ZNF438: variants seen among roughly 807,000 people sequenced by gnomAD.
ZNF438 encodes the protein zinc finger protein 438.
ZNF438 carries 25 observed loss-of-function variants against 38.0 expected under a neutral mutation model. The observed-to-expected ratio is 0.66, with a 90% CI of 0.48 to 0.92. The LOEUF is 0.92. Ranked by LOEUF, ZNF438 falls within the 40% of genes least tolerant of loss-of-function variation. The pLI is 0.00. For missense variants in ZNF438, 1,007 were observed against 999.6 expected (o/e 1.01, Z -0.10); for synonymous variants, 372 against 364.1 (o/e 1.02, Z -0.25).
intron 1 of ZNF438, among the ~76,000 whole-genome samples, chr10:31,022,622 A>G (rs745676976): frequency 5.3e-5 from 8 of 152,154 alleles, no homozygotes; most frequent in Non-Finnish European, 8.8e-5. Flanking sequence ...CAGCAAATCA[A>G]TGAGATGCAC....
At chr10:30,964,184 C>T (rs185735277) in intron 1 of ZNF438, among the ~76,000 whole-genome samples, 1 of 152,276 alleles carries the variant, frequency 6.6e-6, no homozygotes. Context: ...TTCATTGCTG[C>T]TCGGCACAGG....
At chr10:30,901,354 C>T (rs552457776) in intron 3 of ZNF438, among the ~76,000 whole-genome samples, 1 of 152,292 alleles carries the variant, frequency 6.6e-6, no homozygotes, top group East Asian at 1.9e-4. Context: ...GTCTCACTGA[C>T]TTCAAGAATG....
rs1176273155 is a variant in ZNF438, at chr10:31,018,551, GACCA to G, written c.-192+13278_-192+13281del. Among the ~76,000 whole-genome samples, 4 of 152,070 alleles carry G rather than the reference GACCA, an allele frequency of 2.6e-5. No homozygotes were observed. In the East Asian group the frequency reaches 7.7e-4, roughly 29 times the overall value. ...TATAACATGTTTTCTACTGTCTGTC[GACCA>G]ACCACTTAACCAGTGCTATACATTT... On this transcript the variant is annotated intron_variant, in intron 1 of 5. Transcript: ENST00000413025.
At chr10:30,903,085 C>T (rs1034452710) in intron 3 of ZNF438, among the ~76,000 whole-genome samples, 5 of 152,316 alleles carry the variant, frequency 3.3e-5, no homozygotes, top group Admixed American at 6.5e-5. Flanking sequence ...GCCAGCCAGC[C>T]GCTCCCAGTG....
chr10:30,944,224 A>G (rs531197234), intron 1 of ZNF438, among the ~76,000 whole-genome samples: 2 of 152,272 alleles, frequency 1.3e-5, no homozygotes, highest in Admixed American at 1.3e-4. Flanking sequence ...TGCTTGTCCA[A>G]ATGCAAATTC....
At chr10:30,899,731 A>G (rs115597189) in intron 3 of ZNF438, among the ~76,000 whole-genome samples, 198 of 152,146 alleles carry the variant, frequency 1.3e-3, no homozygotes, top group African/African-American at 4.5e-3. Context: ...TTAATACTCT[A>G]GTGAATATGT....
At chr10:30,873,344 C>T (rs139152811) in intron 4 of ZNF438, among the ~76,000 whole-genome samples, 350 of 152,240 alleles carry the variant, frequency 2.3e-3, no homozygotes, top group Middle Eastern at 3.4e-3. Flanking sequence ...TATAACTTAT[C>T]GTTAGAGTGA....
intron 4 of ZNF438, among the ~76,000 whole-genome samples, chr10:30,854,721 C>T (rs1044535204): frequency 1.1e-4 from 17 of 152,094 alleles, no homozygotes; most frequent in African/African-American, 4.1e-4. Context: ...GCTGCTGGGG[C>T]ATAAACTGAA....
rs116595316 is a variant in ZNF438 at position 30,865,238 on chromosome 10, T to G, written c.37+11760A>C. Among the ~76,000 whole-genome samples the G allele has an allele frequency of 6.2e-3, 947 of 152,338 alleles. 20 individuals are homozygous for G. The highest frequency in any genetic ancestry group is 0.021 in the African/African-American group (887 of 41,570). Reference sequence around the variant, plus strand: ...GAACATGTCTTTCTTCTAAGAGACATCTACAGCATGGTCACTGGAGAGGTA... The same window carrying G: ...GAACATGTCTTTCTTCTAAGAGACAGCTACAGCATGGTCACTGGAGAGGTA... On this transcript the variant is annotated intron_variant, in intron 4 of 5. Transcript: ENST00000413025.
intron 3 of ZNF438, among the ~76,000 whole-genome samples, chr10:30,895,926 T>C (rs1314514349): frequency 1.3e-5 from 2 of 152,216 alleles, no homozygotes; most frequent in East Asian, 1.9e-4. Flanking sequence ...GCAGCAACTA[T>C]GGAATACTGT....
At chr10:30,849,059 G>A in exon 5 of ZNF438, 2 of 1,614,162 alleles carry the variant, frequency 1.2e-6, no homozygotes, top group Non-Finnish European at 1.7e-6. Context: ...AGAAGCCAGG[G>A]AGGCCAAAGT....
At chr10:30,874,114 G>GTATATATATATATATATATATA (rs58422289) in intron 4 of ZNF438, among the ~76,000 whole-genome samples, 2 of 80,284 alleles carry the variant, frequency 2.5e-5, no homozygotes, top group African/African-American at 6.9e-5. Flanking sequence ...GTGTGTGTGT[G>GTATATATATATATATATATATA]TATATATATA....
chr10:30,901,091 T>C lies in ZNF438; in HGVS notation c.-32+7842A>G, dbSNP rs1175518156. On this transcript the variant is annotated intron_variant, in intron 3 of 5. Coordinates refer to ENST00000413025, the Ensembl canonical transcript of ZNF438. ...ATTTATAGTATTTGCCCATTACTGA[T>C]ACATTAGCAATAAACACTAATAATC... Among the ~76,000 whole-genome samples the C allele has an allele frequency of 4.6e-5, 7 of 152,340 alleles. No individual in the cohort carries two copies. The East Asian group carries it at 1.2e-3, about 25-fold the overall frequency.
chr10:30,845,462 T>C (rs1341633690), exon 6 of ZNF438: 1 of 1,614,212 alleles, frequency 6.2e-7, no homozygotes, highest in Admixed American at 1.7e-5. Flanking sequence ...AATGAAATTT[T>C]ATTTCCGCAA....
chr10:30,987,620 T>G (rs2052984630), intron 1 of ZNF438, among the ~76,000 whole-genome samples: 1 of 152,148 alleles, frequency 6.6e-6, no homozygotes. Flanking sequence ...TTAGGTCATG[T>G]TGGTGGGGCC....
chr10:30,898,572 ATACATAAC>A (rs1036648046), intron 3 of ZNF438, among the ~76,000 whole-genome samples: 34 of 152,314 alleles, frequency 2.2e-4, no homozygotes, highest in African/African-American at 8.2e-4. Flanking sequence ...TATATAATAC[ATACATAAC>A]TACATAACCA....
Position 30,943,564 on chromosome 10 carries a change from A to G in ZNF438, c.-191-1913T>C, listed in dbSNP as rs183231456. On this transcript the variant is annotated intron_variant, in intron 1 of 5. Coordinates refer to ENST00000413025, the Ensembl canonical transcript of ZNF438. ...GACAGTTAAAACACTATGAGTTCTG[A>G]GTATCAGAAACTCAAAATATGAATT... Among the ~76,000 whole-genome samples, 31 of 152,334 alleles carry G rather than the reference A, an allele frequency of 2.0e-4. 2 individuals carry two copies. In the East Asian group the frequency reaches 5.6e-3, roughly 27 times the overall value.
intron 2 of ZNF438, among the ~76,000 whole-genome samples, chr10:30,933,649 T>A (rs989949507): frequency 6.6e-6 from 1 of 152,146 alleles, no homozygotes; most frequent in South Asian, 2.1e-4. Context: ...TAAAAAACAT[T>A]ACGCAGGCTA....
chr10:30,884,812 C>T (rs1373570053), intron 3 of ZNF438, among the ~76,000 whole-genome samples: 1 of 152,044 alleles, frequency 6.6e-6, no homozygotes, highest in Non-Finnish European at 1.5e-5. Context: ...CCATTTATTC[C>T]TTGTTGAAGA....
Sources: allele counts gnomAD v4.1 joint callset (sites outside exome capture counted in the v4.1 genomes callset), GRCh38; gene constraint gnomAD v4.1.1; transcripts MANE v1.5; gene names NCBI Gene and HGNC (gene_info 2026-07-23, HGNC 2026-07-21).